Variants in PKHD1 observed in about 807,000 individuals in gnomAD.
The protein encoded by PKHD1 is fibrocystin.
In PKHD1, 291 loss-of-function variants were observed where a neutral mutation model predicts 412.0. The ratio of observed to expected loss-of-function variants is 0.71; its 90% confidence interval spans 0.64 to 0.78. The LOEUF (loss-of-function observed/expected upper bound fraction) is 0.78, where lower values mean the gene tolerates loss of function less well. PKHD1 is among the 30% of genes least tolerant of loss of function. The probability of loss-of-function intolerance (pLI) is 0.00; values close to 1 mark genes in which losing one functional copy is unlikely to be tolerated. For synonymous variants in PKHD1, 1,777 were observed against 1,821.5 expected, an observed-to-expected ratio of 0.98 and a Z score of 0.62; for missense variants, 4,825 against 4,950.7, an observed-to-expected ratio of 0.97 and a Z score of 0.76.
chr6:51,935,557 A>G (rs1278886006), intron 36 of PKHD1, among the ~76,000 whole-genome samples: 1 of 152,236 alleles, frequency 6.6e-6, no homozygotes, highest in Non-Finnish European at 1.5e-5. Context: ...CAGACACACC[A>G]GAGGTCCTCT....
chr6:51,861,942 A>G (rs1410665811), intron 48 of PKHD1, among the ~76,000 whole-genome samples: 2 of 152,214 alleles, frequency 1.3e-5, no homozygotes, highest in Non-Finnish European at 2.9e-5. Flanking sequence ...GCTGAGTCCA[A>G]TTGGAATGGC....
rs200707468 is a variant in PKHD1, at chr6:52,058,610, A to G, written c.1234-9T>C. On this transcript the variant is annotated splice_polypyrimidine_tract_variant and intron_variant, in intron 15 of 66. Transcript: ENST00000371117. Reference sequence around the variant, plus strand: ...ATGGAGGCCACTTTCACCTATGCCCAAATAAGCATATCATGATCAATACTA... The same window carrying G: ...ATGGAGGCCACTTTCACCTATGCCCGAATAAGCATATCATGATCAATACTA... The G allele has an allele frequency of 8.0e-4, 1,294 of 1,613,584 alleles. 1 individual carries two copies. Among genetic ancestry groups the G allele is most frequent in the Non-Finnish European group, 1.1e-3 (1,242 of 1,179,840 alleles).
chr6:51,934,578 G>A (rs573200811), intron 36 of PKHD1, among the ~76,000 whole-genome samples: 6 of 151,788 alleles, frequency 4.0e-5, no homozygotes, highest in Non-Finnish European at 8.8e-5. Flanking sequence ...TAATCTAAAT[G>A]TCCAGCAATT....
At position 52,062,536 on chromosome 6, in the gene PKHD1, C is replaced by T. The variant is rs201757748; in HGVS notation, c.1101G>A (p.Gln367=). 6.2e-7 allele frequency: 1 copy of T among 1,614,100 alleles called. No homozygotes were observed. The highest frequency in any genetic ancestry group is 8.5e-7 in the Non-Finnish European group (1 of 1,179,952). ...CAACATACCTGAAAGGTTGTCCTTC[C>T]TGTGACCAAAACCCAAATGGAGAAC... is the stretch of plus-strand genomic sequence containing the variant. ...NASSPFGFWS[Q]EGQPFRARLS... is the part of the protein sequence containing the mutation. Residue 367 remains glutamine (Q), a synonymous_variant, in exon 14 of 67, where the codon CAG becomes CAA. Transcript: ENST00000371117.
chr6:51,709,980 G>A (rs1457671349), intron 60 of PKHD1, among the ~76,000 whole-genome samples: 2 of 152,100 alleles, frequency 1.3e-5, no homozygotes, highest in African/African-American at 4.8e-5. Flanking sequence ...AGGCCGAGGA[G>A]GGCGGATCAC....
At chr6:51,922,516 C>T (rs949816683) in intron 37 of PKHD1, among the ~76,000 whole-genome samples, 2 of 152,244 alleles carry the variant, frequency 1.3e-5, no homozygotes, top group African/African-American at 4.8e-5. Context: ...GTTTCTGCTG[C>T]CTTTTGTTCA....
chr6:51,829,091 C>A (rs1383019397), intron 52 of PKHD1, among the ~76,000 whole-genome samples: 1 of 152,094 alleles, frequency 6.6e-6, no homozygotes, highest in Admixed American at 6.6e-5. Context: ...CTTAACTTTT[C>A]TGATTATCAC....
At chr6:52,019,260 TTCCCCGCC>T (rs1801037659) in intron 33 of PKHD1, among the ~76,000 whole-genome samples, 1 of 152,234 alleles carries the variant, frequency 6.6e-6, no homozygotes. Context: ...AGACCTGTGC[TTCCCCGCC>T]TCATTACAGT....
chr6:51,694,136 A>G (rs1304829574), intron 60 of PKHD1, among the ~76,000 whole-genome samples: 9 of 152,056 alleles, frequency 5.9e-5, no homozygotes, highest in Non-Finnish European at 1.2e-4. Flanking sequence ...TCTTGCTGTT[A>G]TGATGCTTTT....
intron 29 of PKHD1, among the ~76,000 whole-genome samples, chr6:52,031,223 G>A (rs547165598): frequency 6.6e-6 from 1 of 152,306 alleles, no homozygotes; most frequent in Admixed American, 6.5e-5. Flanking sequence ...TCTTACCCAA[G>A]GAGTATGGTA....
Position 51,616,741 on chromosome 6 carries a change from G to A in PKHD1, c.*2340C>T, listed in dbSNP as rs1002909027. On this transcript the variant is annotated 3_prime_UTR_variant, in exon 67 of 67. Transcript: ENST00000371117. The stretch of plus-strand genomic sequence containing the variant: ...AGATAATTATGGTTATTCCTACGCA[G>A]AGGGATAGGATAAAACATGCCTCCC... 3.3e-5 allele frequency: 13 copies of A among 398,244 alleles called. No homozygotes were observed. The highest frequency in any genetic ancestry group is 6.2e-4 in the Middle Eastern group (1 of 1,604). The allele number at this position is 398,244 out of a possible 1,614,324, so 24.7% of individuals were successfully genotyped here. A position where few individuals can be genotyped will look rare whatever the true frequency, so the allele number is the denominator to read the frequency against.
chr6:51,927,027 A>C (rs1239166356), intron 37 of PKHD1, among the ~76,000 whole-genome samples: 1 of 152,156 alleles, frequency 6.6e-6, no homozygotes, highest in African/African-American at 2.4e-5. Context: ...ATGCCAGCTG[A>C]CCAGAACCCC....
At chr6:51,841,369 C>CCCTTCCCTTT in intron 50 of PKHD1, among the ~76,000 whole-genome samples, 1 of 151,256 alleles carries the variant, frequency 6.6e-6, no homozygotes, top group East Asian at 2.0e-4. Flanking sequence ...AAGTTTCCTT[C>CCCTTCCCTTT]CCTTTCCTTT....
At chr6:51,759,993 T>C (rs1376888500) in intron 55 of PKHD1, among the ~76,000 whole-genome samples, 1 of 152,028 alleles carries the variant, frequency 6.6e-6, no homozygotes, top group Non-Finnish European at 1.5e-5. Flanking sequence ...TAGAACCCAA[T>C]AGTTTATTGG....
intron 12 of PKHD1, among the ~76,000 whole-genome samples, chr6:52,065,648 A>C (rs1213030130): frequency 1.3e-5 from 2 of 152,200 alleles, no homozygotes; most frequent in Non-Finnish European, 2.9e-5. Context: ...CTAACAAGGG[A>C]GAGTGAAGAG....
At chr6:51,736,065 T>C (rs909241736) in intron 60 of PKHD1, among the ~76,000 whole-genome samples, 4 of 152,194 alleles carry the variant, frequency 2.6e-5, no homozygotes, top group Non-Finnish European at 2.9e-5. Flanking sequence ...GACTATCTCT[T>C]AGAGTAGAAC....
rs148932323 is a variant in PKHD1 at position 51,746,853 on chromosome 6, C to T, written c.9866G>A (p.Ser3289Asn). ...TAGAATGCAGACATCCAGGTCATCGCTATAGCAACTCTTCACAAAACTAGA... is the reference window on the plus strand; with the variant it reads ...TAGAATGCAGACATCCAGGTCATCGTTATAGCAACTCTTCACAAAACTAGA... Reference protein sequence around the residue: ...TFSSFVKSCYSDDLDVCILPN... With the variant: ...TFSSFVKSCYNDDLDVCILPN... Residue 3289 changes from serine to asparagine, a missense_variant, in exon 59 of 67, where the codon AGC becomes AAC. By Grantham distance (46) the Ser-to-Asn change is conservative (BLOSUM62 1). Coordinates refer to ENST00000371117, the MANE Select transcript of PKHD1 (RefSeq NM_138694.4). 2.5e-6 allele frequency: 4 copies of T among 1,609,524 alleles called. No homozygotes were observed. The highest frequency in any genetic ancestry group is 3.4e-6 in the Non-Finnish European group (4 of 1,176,790).
Position 51,870,703 on chromosome 6 carries a change from C to A in PKHD1, c.7351-64G>T, listed in dbSNP as rs780486191. On this transcript the variant is annotated intron_variant, in intron 46 of 66. Transcript: ENST00000371117. Reference sequence around the variant, plus strand: ...AAAACTGGACACATGAAATACAATTCATAATGCATGAATAAAAACAAAGAT... The same window carrying A: ...AAAACTGGACACATGAAATACAATTAATAATGCATGAATAAAAACAAAGAT... 94 of 1,247,490 alleles carry A rather than the reference C, an allele frequency of 7.5e-5. 1 individual carries two copies. The highest frequency in any genetic ancestry group is 1.0e-4 in the Non-Finnish European group (87 of 858,948). 77.3% of individuals were successfully genotyped at this position (1,247,490 alleles called of 1,614,324 possible).
intron 37 of PKHD1, among the ~76,000 whole-genome samples, chr6:51,927,560 C>T (rs1180212041): frequency 6.6e-5 from 10 of 152,062 alleles, no homozygotes; most frequent in South Asian, 6.2e-4. Context: ...TCCTATAGAG[C>T]GAGGTGTGAA....
Sources: allele counts gnomAD v4.1 joint callset (sites outside exome capture counted in the v4.1 genomes callset), GRCh38; gene constraint gnomAD v4.1.1; transcripts MANE v1.5; gene names NCBI Gene and HGNC (gene_info 2026-07-23, HGNC 2026-07-21).